CPEB4: variants seen among roughly 807,000 people sequenced by gnomAD.
The protein encoded by CPEB4 is cytoplasmic polyadenylation element-binding protein 4.
Under a neutral mutation model 72.5 loss-of-function variants are expected in CPEB4, and 12 were observed. That is an observed-to-expected ratio of 0.17 (90% CI 0.11 to 0.27). The LOEUF is 0.27. Among genes scored for constraint, CPEB4 ranks in the 10% least tolerant of loss-of-function variants. The pLI, the probability that CPEB4 is intolerant of heterozygous loss-of-function variation, is 1.00. For synonymous variants in CPEB4, 302 were observed against 326.3 expected (o/e 0.93, Z 0.80); for missense variants, 614 against 908.5 (o/e 0.68, Z 4.17).
intron 7 of CPEB4, among the ~76,000 whole-genome samples, chr5:173,951,570 A>G (rs968525221): frequency 2.0e-4 from 30 of 152,322 alleles, no homozygotes; most frequent in Non-Finnish European, 3.5e-4. Context: ...TAACTTACAA[A>G]TAATTGTGGA....
In CPEB4 at chr5:173,949,534, T is replaced by A. The variant is rs1758146665; in HGVS notation, c.1483T>A (p.Phe495Ile). The A allele has an allele frequency of 6.2e-7, 1 of 1,613,502 alleles. No homozygotes were observed. The highest frequency in any genetic ancestry group is 1.7e-5 in the Admixed American group (1 of 59,958). Reference protein sequence around the residue: ...EDEITASFRRFGPLIVDWPHK... With the variant: ...EDEITASFRRIGPLIVDWPHK... The stretch of plus-strand genomic sequence containing the variant: ...TGAGATCACAGCTAGTTTTCGTCGC[T>A]TTGGCCCTCTGATTGTGGATTGGCC... Residue 495 changes from phenylalanine (F) to isoleucine (I), a missense_variant, in exon 6 of 10, where the codon TTT becomes ATT. Phe to Ile is a conservative substitution (Grantham distance 21). This residue lies in a region of CPEB4 where 25 missense variants were observed against 68.9 expected (regional missense o/e 0.36). Transcript: ENST00000265085.
chr5:173,957,739 T>G lies in CPEB4; in HGVS notation c.*1602T>G, dbSNP rs1253196892. 1 of 152,824 alleles carries G rather than the reference T, an allele frequency of 6.5e-6. No individual in the cohort carries two copies. Among genetic ancestry groups the G allele is most frequent in the Non-Finnish European group, 1.5e-5 (1 of 68,046 alleles). 9.5% of individuals were successfully genotyped at this position (152,824 alleles called of 1,614,324 possible). A position where few individuals can be genotyped will look rare whatever the true frequency, so the allele number is the denominator to read the frequency against. On this transcript the variant is annotated 3_prime_UTR_variant, in exon 10 of 10. Transcript: ENST00000265085. ...GTTGCGCTACCTAACAGTACCATCT[T>G]GGATCCTTCAAAACCAAAGACTTGC... is the stretch of plus-strand genomic sequence containing the variant.
rs984297725 is a variant in CPEB4 at position 173,961,714 on chromosome 5, G to A, written c.*5577G>A. 2.7e-5 allele frequency: 3 copies of A among 110,372 alleles called. No individual in the cohort carries two copies. The highest frequency in any genetic ancestry group is 5.9e-5 in the Non-Finnish European group (3 of 50,838). The allele number at this position is 110,372 out of a possible 1,614,324, so 6.8% of individuals were successfully genotyped here. A position where few individuals can be genotyped will look rare whatever the true frequency, so the allele number is the denominator to read the frequency against. ...GATCAGAAAGTAAGTACTTTTTCTAGGGATTTTTTTTTTTTTTTAAGTTTG... is the reference window on the plus strand; with the variant it reads ...GATCAGAAAGTAAGTACTTTTTCTAAGGATTTTTTTTTTTTTTTAAGTTTG... On this transcript the variant is annotated 3_prime_UTR_variant, in exon 10 of 10. Coordinates refer to ENST00000265085, the MANE Select transcript of CPEB4 (RefSeq NM_030627.4).
intron 1 of CPEB4, among the ~76,000 whole-genome samples, chr5:173,907,789 G>A (rs2594867): frequency 0.43 from 64,875 of 152,048 alleles, 14,314 homozygotes; most frequent in South Asian, 0.52. Flanking sequence ...ATTTTTAAAC[G>A]GAGATCATCT....
chr5:173,958,659 G>T lies in CPEB4; in HGVS notation c.*2522G>T, dbSNP rs902259333. The T allele has an allele frequency of 6.6e-6, 1 of 151,890 alleles. No homozygotes were observed. The highest frequency in any genetic ancestry group is 2.4e-5 in the African/African-American group (1 of 41,268). 9.4% of individuals were successfully genotyped at this position (151,890 alleles called of 1,614,324 possible). The stretch of plus-strand genomic sequence containing the variant: ...AGTCACAAATTAATGAAAAAAATTC[G>T]CATGAAAATGACAGATAACACTGTA... On this transcript the variant is annotated 3_prime_UTR_variant, in exon 10 of 10. Transcript: ENST00000265085.
chr5:173,899,959 A>C (rs997611935), intron 1 of CPEB4, among the ~76,000 whole-genome samples: 1 of 152,092 alleles, frequency 6.6e-6, no homozygotes, highest in Non-Finnish European at 1.5e-5. Context: ...CCTTCTGCCC[A>C]GGAGATTCTG....
rs1265326964 is a variant in CPEB4, at chr5:173,900,084, C to T, written c.1125+9226C>T. On this transcript the variant is annotated intron_variant, in intron 1 of 9. Coordinates refer to ENST00000265085, the MANE Select transcript of CPEB4 (RefSeq NM_030627.4). The surrounding 1 kb of genome is among the most constrained non-coding windows in gnomAD (Gnocchi z 4.4). ...CTCACAGAAGAGATGTCGAGGGTTA[C>T]AAGACATAAGCTTCAGTTTAGGAAT... 6.6e-6 allele frequency among the ~76,000 whole-genome samples: 1 copy of T among 152,050 alleles called. No homozygotes were observed. Among genetic ancestry groups the T allele is most frequent in the Non-Finnish European group, 1.5e-5 (1 of 68,016 alleles).
rs781006938 is a variant in CPEB4, at chr5:173,900,763, A to G, written c.1126-9760A>G. 1.3e-5 allele frequency among the ~76,000 whole-genome samples: 2 copies of G among 152,112 alleles called. No individual in the cohort carries two copies. The highest frequency in any genetic ancestry group is 6.5e-5 in the Admixed American group (1 of 15,272). On this transcript the variant is annotated intron_variant, in intron 1 of 9. Coordinates refer to ENST00000265085, the MANE Select transcript of CPEB4 (RefSeq NM_030627.4). The surrounding 1 kb of genome is among the most constrained non-coding windows in gnomAD (Gnocchi z 4.4). ...TGAGTTTCATGCTTTTTTTCATTGC[A>G]CCATAGAAGGGGCAGAGAAATGTTT...
chr5:173,931,496 CT>C (rs1757446310), intron 2 of CPEB4, among the ~76,000 whole-genome samples: 2 of 152,188 alleles, frequency 1.3e-5, no homozygotes, highest in African/African-American at 4.8e-5. Flanking sequence ...CCAGGTCCCC[CT>C]ATCCATTCCT....
intron 4 of CPEB4, 32 bp downstream of exon 4, chr5:173,943,081 C>CTTGT: frequency 6.2e-7 from 1 of 1,606,684 alleles, no homozygotes; most frequent in African/African-American, 1.3e-5. Context: ...AAATGTATCA[C>CTTGT]TTGTATTTGG....
At chr5:173,928,834 T>C (rs1202540478) in intron 2 of CPEB4, among the ~76,000 whole-genome samples, 1 of 152,182 alleles carries the variant, frequency 6.6e-6, no homozygotes, top group Admixed American at 6.5e-5. Context: ...TCTTTAGATA[T>C]TTTAGTTGTG....
chr5:173,951,456 A>G (rs1008063367), intron 7 of CPEB4, among the ~76,000 whole-genome samples: 8 of 152,206 alleles, frequency 5.3e-5, no homozygotes, highest in African/African-American at 9.7e-5. Flanking sequence ...TTTACTTAGT[A>G]TTGTATATTG....
At position 173,889,869 on chromosome 5, in the gene CPEB4, A is replaced by C; in HGVS notation, c.136A>C (p.Asn46His). The change falls in exon 1 of 10, where the codon AAT becomes CAT. Residue 46 changes from asparagine to histidine, a missense_variant. Asn to His is a moderately conservative substitution (Grantham distance 68). Around this residue, in one of 5 missense-constraint regions of CPEB4, gnomAD observed 458 missense variants for 548.6 expected, o/e 0.83. Transcript: ENST00000265085. ...CACCCCCAGCCCTGCTGCTTTTATA[A>C]ATAATAACACAGCTGCCAATGGCAG... is the stretch of plus-strand genomic sequence containing the variant. ...NATPSPAAFI[N>H]NNTAANGSSA... The C allele has an allele frequency of 5.6e-6, 9 of 1,613,900 alleles. No individual in the cohort carries two copies. Among genetic ancestry groups the C allele is most frequent in the Non-Finnish European group, 7.6e-6 (9 of 1,179,790 alleles).
In CPEB4 at chr5:173,958,375, A is replaced by G. The variant is rs1338459641; in HGVS notation, c.*2238A>G. The G allele has an allele frequency of 2.0e-5, 3 of 152,756 alleles. No homozygotes were observed. Among genetic ancestry groups the G allele is most frequent in the African/African-American group, 7.2e-5 (3 of 41,470 alleles). The allele number at this position is 152,756 out of a possible 1,614,324, so 9.5% of individuals were successfully genotyped here. A position where few individuals can be genotyped will look rare whatever the true frequency, so the allele number is the denominator to read the frequency against. The stretch of plus-strand genomic sequence containing the variant: ...GCAATACCTCAATTTTTCATATTGC[A>G]AAGAGTAGCTTTTTGTACTTTTATT... On this transcript the variant is annotated 3_prime_UTR_variant, in exon 10 of 10. Coordinates refer to ENST00000265085, the MANE Select transcript of CPEB4 (RefSeq NM_030627.4).
chr5:173,891,182 GAATA>G (rs1458349510), intron 1 of CPEB4, among the ~76,000 whole-genome samples: 2 of 152,034 alleles, frequency 1.3e-5, no homozygotes, highest in African/African-American at 4.8e-5. Flanking sequence ...ATTTAGATGA[GAATA>G]AATAATATAT....
chr5:173,922,686 C>G (rs761406113), intron 2 of CPEB4, among the ~76,000 whole-genome samples: 26 of 152,364 alleles, frequency 1.7e-4, no homozygotes, highest in Non-Finnish European at 7.3e-5. Flanking sequence ...TTGTTCTCTT[C>G]CCTGATTCTG....
chr5:173,928,348 T>C (rs1757322039), intron 2 of CPEB4, among the ~76,000 whole-genome samples: 1 of 152,180 alleles, frequency 6.6e-6, no homozygotes, highest in Admixed American at 6.5e-5. Context: ...GCCATCAACC[T>C]ATACCACTCT....
chr5:173,911,836 T>C (rs898802749), intron 2 of CPEB4, among the ~76,000 whole-genome samples: 4 of 152,122 alleles, frequency 2.6e-5, no homozygotes, highest in African/African-American at 9.7e-5. Context: ...CATAGAGCTT[T>C]GCACTGAGGT....
chr5:173,942,941 G>C (rs753767275), intron 3 of CPEB4, 85 bp from the exon 4 acceptor site: 18 of 1,346,304 alleles, frequency 1.3e-5, no homozygotes, highest in Non-Finnish European at 1.8e-5. Context: ...AAAGCTGGTA[G>C]ATGAAATCAC....
Sources: gnomAD v4.1 joint callset for allele counts (sites outside exome capture counted in the v4.1 genomes callset) on GRCh38, gnomAD v4.1.1 for gene constraint, gnomAD v4.1.1 regional missense constraint, Gnocchi (gnomAD v3.1) non-coding constraint, MANE v1.5 for transcripts, NCBI Gene and HGNC (gene_info 2026-07-23, HGNC 2026-07-21) for gene names.